Variants in AHCYL2 observed in about 807,000 individuals in gnomAD.
AHCYL2 encodes S-adenosylhomocysteine hydrolase-like protein 2.
Under a neutral mutation model 81.4 loss-of-function variants are expected in AHCYL2, and 28 were observed. The observed-to-expected ratio is 0.34, with a 90% CI of 0.25 to 0.47. AHCYL2 has a LOEUF of 0.47. AHCYL2 is among the 20% of genes least tolerant of loss of function. The probability of loss-of-function intolerance (pLI) is 1.00; values close to 1 mark genes in which losing one functional copy is unlikely to be tolerated. For missense variants in AHCYL2, 551 were observed against 785.1 expected, an observed-to-expected ratio of 0.70 and a Z score of 3.56; for synonymous variants, 272 against 290.2, an observed-to-expected ratio of 0.94 and a Z score of 0.64.
chr7:129,298,881 T>G (rs762673138), intron 1 of AHCYL2, among the ~76,000 whole-genome samples: 1 of 152,238 alleles, frequency 6.6e-6, no homozygotes, highest in Non-Finnish European at 1.5e-5. Context: ...AATAAAACTT[T>G]TCTTGGTCTA....
chr7:129,359,778 C>T (rs1056150468), intron 1 of AHCYL2, among the ~76,000 whole-genome samples: 2 of 152,076 alleles, frequency 1.3e-5, no homozygotes, highest in African/African-American at 2.4e-5. Flanking sequence ...TCTAATTAGC[C>T]GGGTCAGGGA....
chr7:129,311,553 T>C (rs986433533), intron 1 of AHCYL2, among the ~76,000 whole-genome samples: 5 of 152,220 alleles, frequency 3.3e-5, no homozygotes, highest in Non-Finnish European at 5.9e-5. Flanking sequence ...TTACTTCTTC[T>C]ACACTCTGGT....
chr7:129,228,646 G>A (rs1163783448), intron 1 of AHCYL2, among the ~76,000 whole-genome samples: 1 of 152,200 alleles, frequency 6.6e-6, no homozygotes, highest in East Asian at 1.9e-4. Context: ...AGTGATAGGA[G>A]TGTTGGCGCA....
At chr7:129,303,784 G>T (rs902350868) in intron 1 of AHCYL2, among the ~76,000 whole-genome samples, 1 of 152,022 alleles carries the variant, frequency 6.6e-6, no homozygotes, top group African/African-American at 2.4e-5. Context: ...GGAACTTATA[G>T]CTATAAACTT....
At chr7:129,387,359 A>T (rs1352901041) in intron 2 of AHCYL2, among the ~76,000 whole-genome samples, 1 of 152,216 alleles carries the variant, frequency 6.6e-6, no homozygotes, top group East Asian at 1.9e-4. Context: ...TACGTGAATA[A>T]ATTAACAACT....
intron 8 of AHCYL2, chr7:129,405,512 G>GA (rs34825108): frequency 1.4e-3 from 483 of 337,620 alleles, no homozygotes; most frequent in Middle Eastern, 2.4e-3. Context: ...CAAGAAAGGG[G>GA]AAAAAAAAAG....
rs1796861678 is a variant in AHCYL2, at chr7:129,416,580, C to T, written c.1461+2892C>T. Among the ~76,000 whole-genome samples, 2 of 151,730 alleles carry T rather than the reference C, an allele frequency of 1.3e-5. 1 individual carries two copies. Among genetic ancestry groups the T allele is most frequent in the South Asian group, 4.2e-4 (2 of 4,790 alleles). On this transcript the variant is annotated intron_variant, in intron 12 of 16. Coordinates refer to ENST00000325006, the MANE Select transcript of AHCYL2 (RefSeq NM_015328.4). ...TGAGAGGCCGAGACGGGTGGATCACCTGAGGTCAGGAGTTCAAGACCAGCC... is the reference window on the plus strand; with the variant it reads ...TGAGAGGCCGAGACGGGTGGATCACTTGAGGTCAGGAGTTCAAGACCAGCC...
chr7:129,383,429 G>T (rs1795056687), intron 2 of AHCYL2, among the ~76,000 whole-genome samples: 3 of 151,830 alleles, frequency 2.0e-5, no homozygotes, highest in Non-Finnish European at 4.4e-5. Flanking sequence ...CAAAGTGCTG[G>T]GATTACAGAC....
In AHCYL2 at chr7:129,430,188, CAAAT is replaced by C. The variant is rs1168829967; in HGVS notation, c.*3147_*3150del. On this transcript the variant is annotated 3_prime_UTR_variant, in exon 17 of 17. Transcript: ENST00000325006. The stretch of plus-strand genomic sequence containing the variant: ...ATAATGACTATGTAATCTCAAAAAA[CAAAT>C]AAAATATTCTTAACATGGACTCTTA... The C allele has an allele frequency of 4.6e-5, 7 of 152,418 alleles. No individual in the cohort carries two copies. The highest frequency in any genetic ancestry group is 9.7e-5 in the African/African-American group (4 of 41,354). 9.4% of individuals were successfully genotyped at this position (152,418 alleles called of 1,614,324 possible).
intron 1 of AHCYL2, among the ~76,000 whole-genome samples, chr7:129,275,275 GC>G (rs1209875164): frequency 6.6e-6 from 1 of 151,986 alleles, no homozygotes; most frequent in Non-Finnish European, 1.5e-5. Context: ...GGTTGCAGGC[GC>G]CTGTAATCCC....
At chr7:129,324,576 C>T (rs1161557151) in intron 1 of AHCYL2, among the ~76,000 whole-genome samples, 4 of 152,140 alleles carry the variant, frequency 2.6e-5, no homozygotes, top group Admixed American at 1.3e-4. Context: ...AGTGCAGTGG[C>T]GCGATCTTGG....
intron 12 of AHCYL2, among the ~76,000 whole-genome samples, chr7:129,418,937 CTA>C (rs1796985634): frequency 6.6e-6 from 1 of 152,060 alleles, no homozygotes; most frequent in African/African-American, 2.4e-5. Flanking sequence ...TGGATGCACA[CTA>C]TGAGAAAAAG....
intron 1 of AHCYL2, among the ~76,000 whole-genome samples, chr7:129,318,822 A>G (rs947830991): frequency 6.6e-6 from 1 of 152,056 alleles, no homozygotes; most frequent in Non-Finnish European, 1.5e-5. Context: ...TTTTGGGGGA[A>G]CAGGTGGTGG....
chr7:129,273,580 G>A (rs1362207408), intron 1 of AHCYL2, among the ~76,000 whole-genome samples: 9 of 142,860 alleles, frequency 6.3e-5, no homozygotes, highest in Admixed American at 1.4e-4. Context: ...CGCCCACCTC[G>A]GCCTCCCAAA....
At chr7:129,392,260 G>A (rs1795505927) in intron 4 of AHCYL2, among the ~76,000 whole-genome samples, 1 of 151,916 alleles carries the variant, frequency 6.6e-6, no homozygotes, top group Admixed American at 6.6e-5. Flanking sequence ...AGTTCATTTG[G>A]GCTGCTATAA....
chr7:129,299,369 GTTTTTTTTTTTTTTTTTTTTTTTTTTTTT>G lies in AHCYL2; in HGVS notation c.363+73944_363+73972del, dbSNP rs71162592. On this transcript the variant is annotated intron_variant, in intron 1 of 16. Transcript: ENST00000325006. ...AGGCTGAGGTGGGAGAGTCCAACTTGTTTTTTTTTTTTTTTTTTTTTTTTTTTTTTTTTTTTTTTTTTGAGATGGAGTCT... is the reference window on the plus strand; with the variant it reads ...AGGCTGAGGTGGGAGAGTCCAACTTGTTTTTTTTTTTTTGAGATGGAGTCT... Among the ~76,000 whole-genome samples, 5 of 46,308 alleles carry G rather than the reference GTTTTTTTTTTTTTTTTTTTTTTTTTTTTT, an allele frequency of 1.1e-4. No individual in the cohort carries two copies. The East Asian group carries it at 3.6e-3, about 33-fold the overall frequency. The allele number at this position is 46,308 out of a possible 152,430, so 30.4% of individuals were successfully genotyped here.
intron 1 of AHCYL2, among the ~76,000 whole-genome samples, chr7:129,259,402 G>T (rs1795541803): frequency 1.3e-5 from 2 of 152,050 alleles, no homozygotes; most frequent in South Asian, 4.2e-4. Flanking sequence ...CCTAACCTTT[G>T]AATTTCAAGT....
intron 1 of AHCYL2, among the ~76,000 whole-genome samples, chr7:129,230,146 G>T (rs1373037998): frequency 6.9e-6 from 1 of 145,878 alleles, no homozygotes; most frequent in Admixed American, 7.0e-5. Flanking sequence ...GTGCAGTGGC[G>T]ATCTCGGCTC....
intron 5 of AHCYL2, among the ~76,000 whole-genome samples, chr7:129,399,362 G>T (rs912552526): frequency 6.6e-6 from 1 of 150,616 alleles, no homozygotes; most frequent in African/African-American, 2.4e-5. Flanking sequence ...CAGGAGAATC[G>T]CTTGAACCCA....
Sources: allele counts gnomAD v4.1 joint callset (sites outside exome capture counted in the v4.1 genomes callset), GRCh38; gene constraint gnomAD v4.1.1; transcripts MANE v1.5; gene names NCBI Gene and HGNC (gene_info 2026-07-23, HGNC 2026-07-21).